MAPK10: variants seen among roughly 807,000 people sequenced by gnomAD.
MAPK10 encodes the protein JNK3 alpha protein kinase.
A neutral mutation model predicts 59.3 loss-of-function variants in MAPK10; 25 were observed. The ratio of observed to expected loss-of-function variants is 0.42; its 90% confidence interval spans 0.31 to 0.59. MAPK10 has a LOEUF of 0.59. Ranked by LOEUF, MAPK10 falls within the 20% of genes least tolerant of loss-of-function variation. The pLI is 0.15. For synonymous variants in MAPK10, 190 were observed against 200.5 expected (o/e 0.95, Z 0.44); for missense variants, 351 against 568.9 (o/e 0.62, Z 3.90).
chr4:86,288,219 A>G (rs2095094140), intron 2 of MAPK10, among the ~76,000 whole-genome samples: 1 of 151,700 alleles, frequency 6.6e-6, no homozygotes, highest in Non-Finnish European at 1.5e-5. Flanking sequence ...ACATGTGCAC[A>G]ATGTGCAGGT....
chr4:86,366,799 A>C (rs1737976972), intron 1 of MAPK10, among the ~76,000 whole-genome samples: 1 of 152,176 alleles, frequency 6.6e-6, no homozygotes, highest in Non-Finnish European at 1.5e-5. Flanking sequence ...AAGTGAATTA[A>C]GGGGGTAGCA....
At chr4:86,216,881 T>C (rs1244465748) in intron 2 of MAPK10, among the ~76,000 whole-genome samples, 1 of 152,178 alleles carries the variant, frequency 6.6e-6, no homozygotes, top group East Asian at 1.9e-4. Context: ...TCTACTTTTA[T>C]GTATATTTGT....
At chr4:86,495,364 C>A (rs1210755448) in intron 1 of MAPK10, among the ~76,000 whole-genome samples, 1 of 152,148 alleles carries the variant, frequency 6.6e-6, no homozygotes, top group East Asian at 1.9e-4. Context: ...AAGCCCATGG[C>A]CAATCTGGCC....
intron 2 of MAPK10, among the ~76,000 whole-genome samples, chr4:86,225,644 C>T (rs2148652813): frequency 6.6e-6 from 1 of 152,326 alleles, no homozygotes; most frequent in East Asian, 1.9e-4. Context: ...CCCCCCAACA[C>T]ATTTTCCATA....
chr4:86,426,493 G>A (rs1409710812), intron 1 of MAPK10, among the ~76,000 whole-genome samples: 1 of 152,164 alleles, frequency 6.6e-6, no homozygotes, highest in Non-Finnish European at 1.5e-5. Context: ...AAATTTTAGA[G>A]GAATGGTGGG....
chr4:86,572,730 A>C (rs1201300831), intron 1 of MAPK10, among the ~76,000 whole-genome samples: 1 of 152,252 alleles, frequency 6.6e-6, no homozygotes, highest in Non-Finnish European at 1.5e-5. Flanking sequence ...GTTTATAAGA[A>C]AATGCCAAAT....
chr4:86,074,952 T>G (rs1579710547), intron 9 of MAPK10, among the ~76,000 whole-genome samples: 1 of 142,692 alleles, frequency 7.0e-6, no homozygotes, highest in African/African-American at 2.7e-5. Context: ...CCTTGCTAGA[T>G]TGGGGAAGTT....
intron 8 of MAPK10, chr4:86,100,404 A>C (rs955156694): frequency 2.0e-5 from 3 of 152,174 alleles, no homozygotes; most frequent in African/African-American, 7.2e-5. Context: ...GTTCATGAAC[A>C]TTAAGTTTTC....
At chr4:86,437,244 C>T (rs1040353473) in intron 1 of MAPK10, among the ~76,000 whole-genome samples, 1 of 151,662 alleles carries the variant, frequency 6.6e-6, no homozygotes, top group African/African-American at 2.4e-5. Flanking sequence ...TGATGTTTGC[C>T]CCAGATGTTT....
intron 2 of MAPK10, among the ~76,000 whole-genome samples, chr4:86,314,598 T>A (rs956565937): frequency 2.0e-5 from 3 of 152,084 alleles, no homozygotes; most frequent in Non-Finnish European, 4.4e-5. Context: ...ATCAGCAGCA[T>A]GAAAATGGAC....
chr4:86,545,185 C>G (rs957509512), intron 1 of MAPK10, among the ~76,000 whole-genome samples: 1 of 152,126 alleles, frequency 6.6e-6, no homozygotes, highest in African/African-American at 2.4e-5. Context: ...GCCAAGGAGT[C>G]AGGATTTTGA....
intron 1 of MAPK10, among the ~76,000 whole-genome samples, chr4:86,536,796 A>C (rs1758275738): frequency 6.6e-6 from 1 of 152,262 alleles, no homozygotes; most frequent in Non-Finnish European, 1.5e-5. Flanking sequence ...TAGATTAAAA[A>C]GACAATAGTA....
chr4:86,511,755 G>A (rs1483159940), intron 1 of MAPK10, among the ~76,000 whole-genome samples: 2 of 148,704 alleles, frequency 1.3e-5, no homozygotes, highest in African/African-American at 5.0e-5. Context: ...GAAAGGGGGA[G>A]GGGAGAGAGG....
chr4:86,484,974 GAATT>G (rs1753877300), intron 1 of MAPK10, among the ~76,000 whole-genome samples: 1 of 152,180 alleles, frequency 6.6e-6, no homozygotes, highest in Admixed American at 6.5e-5. Flanking sequence ...TCAGGAGTCT[GAATT>G]AAATAAGTGG....
chr4:86,537,160 T>G (rs781704616), intron 1 of MAPK10, among the ~76,000 whole-genome samples: 1 of 152,090 alleles, frequency 6.6e-6, no homozygotes, highest in Non-Finnish European at 1.5e-5. Context: ...TATAAAGAAG[T>G]CTTTGTTGTG....
intron 1 of MAPK10, among the ~76,000 whole-genome samples, chr4:86,441,375 G>A (rs1749408082): frequency 2.0e-5 from 3 of 152,200 alleles, no homozygotes; most frequent in Admixed American, 2.0e-4. Flanking sequence ...AGTTCACAGA[G>A]TAACTCACGC....
chr4:86,335,560 C>T (rs1720717091), intron 2 of MAPK10, among the ~76,000 whole-genome samples: 1 of 151,704 alleles, frequency 6.6e-6, no homozygotes, highest in African/African-American at 2.4e-5. Context: ...TTACTCCTTT[C>T]TTTCTCCCTC....
chr4:86,063,916 A>T (rs1227863291), intron 11 of MAPK10, among the ~76,000 whole-genome samples: 1 of 152,148 alleles, frequency 6.6e-6, no homozygotes, highest in African/African-American at 2.4e-5. Context: ...CAAGCTAAGC[A>T]ACTTGTCCTC....
intron 1 of MAPK10, among the ~76,000 whole-genome samples, chr4:86,557,390 A>G (rs890869900): frequency 1.3e-5 from 2 of 152,090 alleles, no homozygotes; most frequent in African/African-American, 4.8e-5. Flanking sequence ...ATGTACTGAC[A>G]TAAGGAAAGA....
Sources: allele counts gnomAD v4.1 joint callset (sites outside exome capture counted in the v4.1 genomes callset), GRCh38; gene constraint gnomAD v4.1.1; transcripts MANE v1.5; gene names NCBI Gene and HGNC (gene_info 2026-07-23, HGNC 2026-07-21).